Variants in SFMBT1 observed in about 807,000 individuals in gnomAD.
The protein encoded by SFMBT1 is scm-like with four MBT domains protein 1.
In SFMBT1, 32 loss-of-function variants were observed where a neutral mutation model predicts 108.7. The observed-to-expected ratio is 0.29, with a 90% CI of 0.22 to 0.40. SFMBT1 has a LOEUF of 0.40. Ranked by LOEUF, SFMBT1 falls within the 10% of genes least tolerant of loss-of-function variation. The pLI is 1.00. For missense variants in SFMBT1, 816 were observed against 1,059.6 expected (o/e 0.77, Z 3.19); for synonymous variants, 348 against 369.5 (o/e 0.94, Z 0.67).
chr3:52,985,219 A>G (rs1427664623), intron 1 of SFMBT1, among the ~76,000 whole-genome samples: 1 of 152,218 alleles, frequency 6.6e-6, no homozygotes, highest in Non-Finnish European at 1.5e-5. Flanking sequence ...ATAGTATTAT[A>G]AAAAGATTAT....
At chr3:53,017,519 C>T (rs1483412222) in intron 1 of SFMBT1, among the ~76,000 whole-genome samples, 2 of 152,052 alleles carry the variant, frequency 1.3e-5, no homozygotes, top group Admixed American at 6.6e-5. Flanking sequence ...GAAGTGTAGT[C>T]TCCCATGTCT....
intron 3 of SFMBT1, among the ~76,000 whole-genome samples, chr3:52,945,693 G>C (rs1274573512): frequency 3.3e-5 from 5 of 151,614 alleles, no homozygotes; most frequent in Non-Finnish European, 1.5e-5. Context: ...TGTAGTCCCA[G>C]CTACTCAGGA....
rs185712908 is a variant in SFMBT1 at position 52,959,131 on chromosome 3, G to A, written c.29-4720C>T. 6.1e-3 allele frequency among the ~76,000 whole-genome samples: 926 copies of A among 151,886 alleles called. 81 individuals are homozygous for A. The South Asian group carries it at 0.17, about 28-fold the overall frequency. On this transcript the variant is annotated intron_variant, in intron 2 of 20. Coordinates refer to ENST00000394752, the MANE Select transcript of SFMBT1 (RefSeq NM_016329.4). ...GCATACATTGGGGCCTGTCAAGGGGGACGGGGGAGGGAGAGCATCAGGAAA... is the reference window on the plus strand; with the variant it reads ...GCATACATTGGGGCCTGTCAAGGGGAACGGGGGAGGGAGAGCATCAGGAAA...
chr3:53,041,802 T>G (rs1327209953), intron 1 of SFMBT1, among the ~76,000 whole-genome samples: 1 of 148,768 alleles, frequency 6.7e-6, no homozygotes, highest in Non-Finnish European at 1.5e-5. Flanking sequence ...CCCCAAACTC[T>G]AATGGTTTAA....
In SFMBT1 at chr3:52,907,283, T is replaced by C. The variant is rs746997664; in HGVS notation, c.2117A>G (p.Asp706Gly). Residue 706 changes from aspartate to glycine, a missense_variant, in exon 19 of 21, where the codon GAT becomes GGT. Coordinates refer to ENST00000394752, the MANE Select transcript of SFMBT1 (RefSeq NM_016329.4). The stretch of plus-strand genomic sequence containing the variant: ...ACTTAGGGAATCATCATCCCCTTCA[T>C]CTGGGTCATCCTCATCTTCACCCCC... ...GSGGEDEDDPDEGDDDSLSEG... is the reference protein window; with the variant it reads ...GSGGEDEDDPGEGDDDSLSEG... 4 of 1,613,882 alleles carry C rather than the reference T, an allele frequency of 2.5e-6. No individual in the cohort carries two copies. Among genetic ancestry groups the C allele is most frequent in the South Asian group, 2.2e-5 (2 of 91,076 alleles).
chr3:53,010,840 A>G (rs911874441), intron 1 of SFMBT1, among the ~76,000 whole-genome samples: 1 of 152,226 alleles, frequency 6.6e-6, no homozygotes, highest in Non-Finnish European at 1.5e-5. Context: ...CACCAGATAA[A>G]AAAGACCACT....
chr3:52,907,642 C>A lies in SFMBT1; in HGVS notation c.1998G>T (p.Lys666Asn). The A allele has an allele frequency of 6.2e-7, 1 of 1,614,208 alleles. No homozygotes were observed. The highest frequency in any genetic ancestry group is 1.3e-5 in the African/African-American group (1 of 75,048). Reference sequence around the variant, plus strand: ...AAACATTTTTCCGCCTCTTTCTCCTCTTACTGGCTTTTTTCAGGGCACAAG... The same window carrying A: ...AAACATTTTTCCGCCTCTTTCTCCTATTACTGGCTTTTTTCAGGGCACAAG... ...NLACALKKAS[K>N]RRKRRKNVFV... Residue 666 changes from lysine (K) to asparagine (N), a missense_variant, in exon 18 of 21, where the codon AAG becomes AAT. Physicochemically the swap from Lys to Asn is moderately conservative, Grantham distance 94. Around this residue, in one of 5 missense-constraint regions of SFMBT1, gnomAD observed 177 missense variants for 182.0 expected, o/e 0.97. Coordinates refer to ENST00000394752, the MANE Select transcript of SFMBT1 (RefSeq NM_016329.4).
At chr3:52,949,821 C>T (rs1703510863) in intron 3 of SFMBT1, among the ~76,000 whole-genome samples, 1 of 152,020 alleles carries the variant, frequency 6.6e-6, no homozygotes. Context: ...TCAAATGATG[C>T]ACTCATCTCG....
intron 15 of SFMBT1, 119 bp downstream of exon 15, chr3:52,913,359 T>A: frequency 7.8e-7 from 1 of 1,274,762 alleles, no homozygotes; most frequent in Non-Finnish European, 1.1e-6. Flanking sequence ...TGAGAAAAGT[T>A]AGTAACTTTT....
At chr3:52,914,963 C>A (rs1702308404) in intron 14 of SFMBT1, among the ~76,000 whole-genome samples, 1 of 152,184 alleles carries the variant, frequency 6.6e-6, no homozygotes, top group African/African-American at 2.4e-5. Flanking sequence ...GGCCACCTTG[C>A]CCCTTGTGAG....
chr3:53,017,499 A>C (rs558394097), intron 1 of SFMBT1, among the ~76,000 whole-genome samples: 1 of 152,324 alleles, frequency 6.6e-6, no homozygotes, highest in Admixed American at 6.5e-5. Context: ...TTTATAGGCT[A>C]ATCAGATCAG....
intron 1 of SFMBT1, among the ~76,000 whole-genome samples, chr3:53,032,881 A>G (rs549710193): frequency 4.5e-4 from 68 of 152,236 alleles, no homozygotes; most frequent in Non-Finnish European, 9.1e-4. Context: ...GAGGGAGTCC[A>G]GGAGGGAAGG....
At chr3:52,976,392 TACAA>T (rs1191901735) in intron 1 of SFMBT1, among the ~76,000 whole-genome samples, 1 of 152,140 alleles carries the variant, frequency 6.6e-6, no homozygotes, top group African/African-American at 2.4e-5. Flanking sequence ...CGTGAAAGGA[TACAA>T]ACAAATAGTG....
intron 16 of SFMBT1, among the ~76,000 whole-genome samples, 155 bp from the exon 17 acceptor site, chr3:52,911,333 G>T (rs757593913): frequency 6.6e-6 from 1 of 152,194 alleles, no homozygotes; most frequent in Non-Finnish European, 1.5e-5. Flanking sequence ...AGGAAGTTCT[G>T]CATATTGAAC....
intron 1 of SFMBT1, among the ~76,000 whole-genome samples, chr3:53,023,867 C>T (rs1559553475): frequency 2.0e-5 from 3 of 152,160 alleles, no homozygotes; most frequent in African/African-American, 4.8e-5. Context: ...TAATAGCCCT[C>T]CAAATTCAAA....
chr3:53,007,598 G>A (rs1370448941), intron 1 of SFMBT1, among the ~76,000 whole-genome samples: 1 of 152,174 alleles, frequency 6.6e-6, no homozygotes, highest in Non-Finnish European at 1.5e-5. Flanking sequence ...CACTGGCCAA[G>A]TCTGAGACAA....
chr3:52,918,241 T>C (rs1267717679), intron 13 of SFMBT1, among the ~76,000 whole-genome samples: 1 of 152,192 alleles, frequency 6.6e-6, no homozygotes, highest in African/African-American at 2.4e-5. Flanking sequence ...TATTCAACTA[T>C]CTTAAGGCTC....
At position 52,953,799 on chromosome 3, in the gene SFMBT1, T is replaced by G. The variant is rs924504042; in HGVS notation, c.123+518A>C. Reference sequence around the variant, plus strand: ...TCAAAAAGATAAGTCATGCATTGAGTAGCAGAAAATACACAAAACCAAAAA... The same window carrying G: ...TCAAAAAGATAAGTCATGCATTGAGGAGCAGAAAATACACAAAACCAAAAA... On this transcript the variant is annotated intron_variant, in intron 3 of 20. Transcript: ENST00000394752. 2.0e-5 allele frequency among the ~76,000 whole-genome samples: 3 copies of G among 152,150 alleles called. No individual in the cohort carries two copies. In the East Asian group the frequency reaches 5.8e-4, roughly 29 times the overall value.
At chr3:53,020,968 G>T (rs1699286021) in intron 1 of SFMBT1, among the ~76,000 whole-genome samples, 1 of 152,174 alleles carries the variant, frequency 6.6e-6, no homozygotes, top group African/African-American at 2.4e-5. Context: ...CGAGGCAGGA[G>T]AATTGCTTGA....
Sources: gnomAD v4.1 joint callset for allele counts (sites outside exome capture counted in the v4.1 genomes callset) on GRCh38, gnomAD v4.1.1 for gene constraint, gnomAD v4.1.1 regional missense constraint, MANE v1.5 for transcripts, NCBI Gene and HGNC (gene_info 2026-07-23, HGNC 2026-07-21) for gene names.